ZNF81: variants seen among roughly 807,000 people sequenced by gnomAD.
ZNF81 encodes the protein zinc finger protein 81 (HFZ20).
ZNF81 carries 5 observed loss-of-function variants against 32.3 expected under a neutral mutation model. The ratio of observed to expected loss-of-function variants is 0.15; its 90% CI spans 0.08 to 0.33. The LOEUF (loss-of-function observed/expected upper bound fraction) is 0.33, where lower values mean the gene tolerates loss of function less well. ZNF81 is among the 10% of genes least tolerant of loss of function. ZNF81 has a pLI of 1.00. For missense variants in ZNF81, 379 were observed against 479.8 expected, an observed-to-expected ratio of 0.79 and a Z score of 1.96; for synonymous variants, 163 against 166.8, an observed-to-expected ratio of 0.98 and a Z score of 0.17.
At chrX:47,856,203 A>T in intron 2 of ZNF81, among the ~76,000 whole-genome samples, 1 of 111,571 alleles carries the variant, frequency 9.0e-6, no homozygotes. Context: ...GCAAATATAT[A>T]TGAATGTATA....
At chrX:47,906,726 G>A (rs1381578734) in intron 4 of ZNF81, among the ~76,000 whole-genome samples, 3 of 111,758 alleles carry the variant, frequency 2.7e-5, no homozygotes, top group Non-Finnish European at 5.6e-5. Context: ...CTGAGGCAGG[G>A]AGAATTGCTT....
At chrX:47,862,864 G>T (rs1556882768) in intron 2 of ZNF81, among the ~76,000 whole-genome samples, 1 of 111,623 alleles carries the variant, frequency 9.0e-6, no homozygotes, top group Non-Finnish European at 1.9e-5. Flanking sequence ...TGTTGTTTTT[G>T]CATTCAGGGG....
chrX:47,877,716 C>G (rs1380848870), intron 2 of ZNF81, among the ~76,000 whole-genome samples: 1 of 112,113 alleles, frequency 8.9e-6, no homozygotes, highest in African/African-American at 3.2e-5. Flanking sequence ...CCATTTTAAG[C>G]TGGCACATTT....
chrX:47,889,425 G>A (rs1245855163), intron 3 of ZNF81, among the ~76,000 whole-genome samples: 1 of 112,468 alleles, frequency 8.9e-6, no homozygotes, highest in East Asian at 2.8e-4. Context: ...GAAGCTAGTA[G>A]GGCTGCAGCT....
At chrX:47,840,503 CTTTTTTTTTTTT>C (rs1225455438) in intron 1 of ZNF81, among the ~76,000 whole-genome samples, 1 of 102,121 alleles carries the variant, frequency 9.8e-6, no homozygotes, top group African/African-American at 3.5e-5. Context: ...TTTTCTTTTT[CTTTTTTTTTTTT>C]TTTTTGAGAC....
At chrX:47,868,678 C>T (rs2058568864) in intron 2 of ZNF81, among the ~76,000 whole-genome samples, 1 of 111,156 alleles carries the variant, frequency 9.0e-6, no homozygotes, top group African/African-American at 3.3e-5. Flanking sequence ...TATTCAAAGT[C>T]TCAATCTCAA....
At chrX:47,902,311 A>G (rs1480159562) in intron 4 of ZNF81, among the ~76,000 whole-genome samples, 3 of 112,067 alleles carry the variant, frequency 2.7e-5, no homozygotes, top group African/African-American at 9.7e-5. Flanking sequence ...TATAGTAAAC[A>G]CTGGCAGTAT....
intron 3 of ZNF81, among the ~76,000 whole-genome samples, chrX:47,893,255 G>A (rs1420723343): frequency 1.8e-5 from 2 of 110,047 alleles, no homozygotes; most frequent in South Asian, 3.9e-4. Flanking sequence ...TGACCTATGC[G>A]AGGATTCAAG....
intron 4 of ZNF81, among the ~76,000 whole-genome samples, chrX:47,908,038 T>G (rs1436489267): frequency 9.0e-6 from 1 of 111,698 alleles, no homozygotes; most frequent in Non-Finnish European, 1.9e-5. Context: ...ATATCTCATA[T>G]GATAGTAAAT....
Position 47,917,415 on chromosome X carries a change from T to G in ZNF81, c.*783T>G. On this transcript the variant is annotated 3_prime_UTR_variant, in exon 5 of 5. Transcript: ENST00000338637. ...TCCCAAGTAGCGTCTCTTTGTCTAC[T>G]ACTTGACTTTGAACTTGGCCACGTG... The G allele has an allele frequency of 3.4e-6, 1 of 294,108 alleles. No homozygotes were observed. Among genetic ancestry groups the G allele is most frequent in the Middle Eastern group, 9.0e-4 (1 of 1,111 alleles). 24.2% of individuals were successfully genotyped at this position (294,108 alleles called of 1,213,427 possible).
Position 47,917,359 on chromosome X carries a change from T to C in ZNF81, c.*727T>C, listed in dbSNP as rs1175575128. ...AGTATCTTGTTTTCTTTCATTGTGG[T>C]ACAATGCAAAGTAGCCACAGATTCC... On this transcript the variant is annotated 3_prime_UTR_variant, in exon 5 of 5. Coordinates refer to ENST00000338637, the MANE Select transcript of ZNF81 (RefSeq NM_007137.5). The C allele has an allele frequency of 3.4e-5, 10 of 295,071 alleles. No homozygotes were observed. The highest frequency in any genetic ancestry group is 5.3e-5 in the Non-Finnish European group (9 of 169,504). The allele number at this position is 295,071 out of a possible 1,213,427, so 24.3% of individuals were successfully genotyped here.
At chrX:47,872,759 G>A (rs1390335373) in intron 2 of ZNF81, among the ~76,000 whole-genome samples, 3 of 111,694 alleles carry the variant, frequency 2.7e-5, no homozygotes, top group African/African-American at 9.8e-5. Flanking sequence ...CAGGGTGAGT[G>A]CCCTTTTAAA....
intron 2 of ZNF81, among the ~76,000 whole-genome samples, chrX:47,884,431 C>G (rs1356372838): frequency 9.1e-6 from 1 of 109,576 alleles, no homozygotes; most frequent in Non-Finnish European, 1.9e-5. Context: ...CTCAGGGTCT[C>G]TCACAAGGCT....
rs782411574 is a variant in ZNF81, at chrX:47,884,431, C to CGAGAG, written c.55-3568_55-3567insGAGAG. On this transcript the variant is annotated intron_variant, in intron 2 of 4. Coordinates refer to ENST00000338637, the MANE Select transcript of ZNF81 (RefSeq NM_007137.5). ...ACATGGGTCCTCTCACTCAGGGTCTCTCACAAGGCTGCAGTCCATGTTGGC... is the reference window on the plus strand; with the variant it reads ...ACATGGGTCCTCTCACTCAGGGTCTCGAGAGTCACAAGGCTGCAGTCCATGTTGGC... Among the ~76,000 whole-genome samples, 815 of 109,605 alleles carry CGAGAG rather than the reference C, an allele frequency of 7.4e-3. 1 individual carries two copies. Among genetic ancestry groups the CGAGAG allele is most frequent in the Non-Finnish European group, 0.012 (615 of 52,637 alleles).
At chrX:47,863,323 A>G (rs781993636) in intron 2 of ZNF81, among the ~76,000 whole-genome samples, 10 of 111,966 alleles carry the variant, frequency 8.9e-5, no homozygotes, top group African/African-American at 3.2e-4. Flanking sequence ...TTTGATCTCC[A>G]CATGTAACTT....
intron 2 of ZNF81, among the ~76,000 whole-genome samples, chrX:47,886,811 G>T (rs1164570549): frequency 9.0e-6 from 1 of 110,846 alleles, no homozygotes; most frequent in African/African-American, 3.3e-5. Context: ...ACAAGCTAAA[G>T]TGCCAGCCTC....
At chrX:47,894,492 G>A (rs2058673193) in intron 3 of ZNF81, among the ~76,000 whole-genome samples, 1 of 111,717 alleles carries the variant, frequency 9.0e-6, no homozygotes, top group African/African-American at 3.3e-5. Flanking sequence ...CGAAGTGGTC[G>A]GGTGGGAGTT....
At chrX:47,839,996 A>G (rs1038866793) in intron 1 of ZNF81, among the ~76,000 whole-genome samples, 11 of 109,977 alleles carry the variant, frequency 1.0e-4, no homozygotes, top group African/African-American at 3.3e-4. Flanking sequence ...GTGAAAGACA[A>G]TTCTTCTTCC....
At chrX:47,868,942 T>TGGGGGGGGGGGGGGGGGG (rs1569379805) in intron 2 of ZNF81, among the ~76,000 whole-genome samples, 1 of 21,169 alleles carries the variant, frequency 4.7e-5, no homozygotes, top group African/African-American at 1.8e-4. Context: ...GGCGGGGGGG[T>TGGGGGGGGGGGGGGGGGG]GGGGGGGATC....
Sources: allele counts gnomAD v4.1 joint callset (sites outside exome capture counted in the v4.1 genomes callset), GRCh38; gene constraint gnomAD v4.1.1; transcripts MANE v1.5; gene names NCBI Gene and HGNC (gene_info 2026-07-23, HGNC 2026-07-21).